The following FRMPD4 variants were observed in gnomAD, a reference collection of about 807,000 sequenced individuals.
FRMPD4 encodes the protein FERM and PDZ domain containing 4.
FRMPD4 carries 22 observed loss-of-function variants against 94.1 expected under a neutral mutation model. The ratio of observed to expected loss-of-function variants is 0.23; its 90% CI spans 0.17 to 0.33. FRMPD4 has a LOEUF of 0.33. FRMPD4 is among the 10% of genes least tolerant of loss of function. FRMPD4 has a pLI of 1.00. For missense variants in FRMPD4, 1,111 were observed against 1,339.9 expected, an observed-to-expected ratio of 0.83 and a Z score of 2.67; for synonymous variants, 631 against 548.6, an observed-to-expected ratio of 1.15 and a Z score of -2.10.
chrX:12,611,419 A>C (rs2059182172), intron 3 of FRMPD4, among the ~76,000 whole-genome samples: 1 of 111,617 alleles, frequency 9.0e-6, no homozygotes, highest in South Asian at 3.8e-4. Flanking sequence ...TCCATGTTAA[A>C]TTCCCTGCAT....
chrX:12,659,246 C>A (rs773886516), intron 4 of FRMPD4, among the ~76,000 whole-genome samples: 14 of 112,679 alleles, frequency 1.2e-4, no homozygotes, highest in Non-Finnish European at 2.1e-4. Context: ...AACTTGTCTA[C>A]CCTATTCAAA....
At chrX:12,680,779 T>C (rs1055276660) in intron 5 of FRMPD4, among the ~76,000 whole-genome samples, 5 of 111,264 alleles carry the variant, frequency 4.5e-5, no homozygotes, top group African/African-American at 1.6e-4. Flanking sequence ...TGAAGTTACA[T>C]AAAATGGGCA....
chrX:12,626,790 G>C (rs1248226005), intron 4 of FRMPD4, among the ~76,000 whole-genome samples: 2 of 107,339 alleles, frequency 1.9e-5, no homozygotes, highest in Admixed American at 2.0e-4. Context: ...AGGCCATTTA[G>C]AAGGGATCCA....
intron 1 of FRMPD4, 133 bp downstream of exon 1, chrX:12,139,145 G>A: frequency 4.3e-6 from 2 of 463,449 alleles, no homozygotes; most frequent in Non-Finnish European, 6.8e-6. Context: ...AAGTGGCCGG[G>A]GGCTTCCACG....
chrX:11,869,202 A>T (rs1427011462), intron 2 of FRMPD4, among the ~76,000 whole-genome samples: 2 of 112,405 alleles, frequency 1.8e-5, no homozygotes, highest in Non-Finnish European at 3.8e-5. Flanking sequence ...TTAAATGGAC[A>T]TAAAGGTTTA....
chrX:12,022,856 G>A lies in FRMPD4; in HGVS notation c.95+144838G>A, dbSNP rs146687331. The stretch of plus-strand genomic sequence containing the variant: ...AGCTGGCTAGATCACTCTGTCTCAC[G>A]TCCCCCAATCCTCCCTCTTTCCCCC... On this transcript the variant is annotated intron_variant, in intron 3 of 18. Transcript: ENST00000640291. Among the ~76,000 whole-genome samples the A allele has an allele frequency of 6.4e-3, 711 of 110,856 alleles. 3 individuals are homozygous for A. The highest frequency in any genetic ancestry group is 0.018 in the African/African-American group (551 of 30,452).
chrX:12,337,316 T>C (rs186258427), intron 1 of FRMPD4, among the ~76,000 whole-genome samples: 58 of 112,070 alleles, frequency 5.2e-4, no homozygotes, highest in Non-Finnish European at 1.0e-3. Flanking sequence ...ACTGTCATTG[T>C]TCCGGAATAT....
intron 4 of FRMPD4, among the ~76,000 whole-genome samples, chrX:12,649,274 A>C (rs2059575958): frequency 8.9e-6 from 1 of 112,044 alleles, no homozygotes; most frequent in Admixed American, 9.4e-5. Flanking sequence ...AAAGTGAGCC[A>C]ACTCCATGTC....
chrX:12,186,655 C>A (rs978892514), intron 1 of FRMPD4, among the ~76,000 whole-genome samples: 4 of 111,177 alleles, frequency 3.6e-5, no homozygotes, highest in African/African-American at 1.3e-4. Flanking sequence ...TGTGGCTTGA[C>A]GATGAATACA....
In FRMPD4 at chrX:12,108,037, G is replaced by C. The variant is rs776772480; in HGVS notation, c.95+230019G>C. ...CAGGAGAACTTCCCCAACCTAGCAA[G>C]GCAGGCCAACATTCAAATTCAGGAA... On this transcript the variant is annotated intron_variant, in intron 3 of 18. Coordinates refer to the FRMPD4 transcript ENST00000640291. 9.8e-5 allele frequency among the ~76,000 whole-genome samples: 11 copies of C among 111,843 alleles called. No individual in the cohort carries two copies. In the East Asian group the frequency reaches 1.7e-3, roughly 17 times the overall value.
chrX:11,954,281 T>C (rs974873806), intron 3 of FRMPD4, among the ~76,000 whole-genome samples: 3 of 112,224 alleles, frequency 2.7e-5, no homozygotes, highest in Non-Finnish European at 3.8e-5. Flanking sequence ...AAAAATACTT[T>C]GAGGATAGAA....
intron 4 of FRMPD4, among the ~76,000 whole-genome samples, chrX:12,667,275 G>A (rs1358067391): frequency 8.9e-6 from 1 of 112,054 alleles, no homozygotes; most frequent in East Asian, 2.8e-4. Flanking sequence ...TAGACTTAAT[G>A]TTTCTAAAGC....
chrX:12,685,004 G>C (rs932653338), intron 6 of FRMPD4, among the ~76,000 whole-genome samples: 2 of 112,002 alleles, frequency 1.8e-5, no homozygotes, highest in African/African-American at 6.5e-5. Flanking sequence ...GCTCTTCTGA[G>C]TCACTGAGTG....
intron 1 of FRMPD4, among the ~76,000 whole-genome samples, chrX:12,288,547 G>A (rs1245408007): frequency 9.0e-6 from 1 of 111,382 alleles, no homozygotes; most frequent in East Asian, 2.8e-4. Flanking sequence ...CCCAAAGGAA[G>A]AAATGAGAAA....
chrX:12,408,683 T>A (rs1247181613), intron 1 of FRMPD4, among the ~76,000 whole-genome samples: 1 of 111,199 alleles, frequency 9.0e-6, no homozygotes, highest in Non-Finnish European at 1.9e-5. Context: ...TCATTTGGGG[T>A]CTTTTGATTG....
chrX:12,435,202 A>T (rs2897784), intron 1 of FRMPD4, among the ~76,000 whole-genome samples: 47,032 of 110,179 alleles, frequency 0.43, 8,807 homozygotes, highest in African/African-American at 0.72. Flanking sequence ...TACGTACTCT[A>T]ACTGGTTAAA....
At chrX:12,689,444 GCATT>G (rs1196127815) in intron 7 of FRMPD4, among the ~76,000 whole-genome samples, 1 of 112,223 alleles carries the variant, frequency 8.9e-6, no homozygotes, top group Non-Finnish European at 1.9e-5. Flanking sequence ...TCTGAGATAA[GCATT>G]ATTATTATCC....
At chrX:11,966,091 GGA>G (rs2054308092) in intron 3 of FRMPD4, among the ~76,000 whole-genome samples, 1 of 111,758 alleles carries the variant, frequency 8.9e-6, no homozygotes, top group Non-Finnish European at 1.9e-5. Flanking sequence ...CAAGTTGGAG[GGA>G]AAGAGCTTCT....
chrX:11,926,878 A>T (rs1050408418), intron 3 of FRMPD4, among the ~76,000 whole-genome samples: 1 of 111,555 alleles, frequency 9.0e-6, no homozygotes, highest in African/African-American at 3.3e-5. Flanking sequence ...TATTCAGCAT[A>T]GTATTGGAAG....
Sources: gnomAD v4.1 joint callset for allele counts (sites outside exome capture counted in the v4.1 genomes callset) on GRCh38, gnomAD v4.1.1 for gene constraint, MANE v1.5 for transcripts, NCBI Gene and HGNC (gene_info 2026-07-23, HGNC 2026-07-21) for gene names.